SOCS7: variants seen among roughly 807,000 people sequenced by gnomAD.
SOCS7 encodes NAP-4.
SOCS7 carries 18 observed loss-of-function variants against 58.9 expected under a neutral mutation model. The observed-to-expected ratio is 0.31, with a 90% CI of 0.21 to 0.45. SOCS7 has a LOEUF of 0.45. SOCS7 is among the 20% of genes least tolerant of loss of function. SOCS7 has a pLI of 1.00. For missense variants in SOCS7, 667 were observed against 837.3 expected, an observed-to-expected ratio of 0.80 and a Z score of 2.51; for synonymous variants, 388 against 364.3, an observed-to-expected ratio of 1.06 and a Z score of -0.74.
In SOCS7 at chr17:38,353,044, C is replaced by A. The variant is rs367686638; in HGVS notation, c.980+12C>A. 3.6e-4 allele frequency: 558 copies of A among 1,554,914 alleles called. 1 individual carries two copies. The highest frequency in any genetic ancestry group is 2.7e-3 in the Admixed American group (131 of 49,036). The stretch of plus-strand genomic sequence containing the variant: ...CTGGACGCGGGGAGGTGAGACCGGC[C>A]GGGGGCTGGCCGACAAACTTCCTTT... On this transcript the variant is annotated intron_variant, in intron 1 of 9. Coordinates refer to ENST00000612932, the MANE Select transcript of SOCS7 (RefSeq NM_014598.4).
chr17:38,364,384 C>T (rs2037759335), intron 2 of SOCS7, among the ~76,000 whole-genome samples: 1 of 152,132 alleles, frequency 6.6e-6, no homozygotes, highest in African/African-American at 2.4e-5. Flanking sequence ...TGGCTTGCTT[C>T]CTAAGGCAGA....
chr17:38,367,829 C>CT, intron 5 of SOCS7, 53 bp from the exon 6 acceptor site: 1 of 1,546,336 alleles, frequency 6.5e-7, no homozygotes, highest in Non-Finnish European at 8.9e-7. Flanking sequence ...GCACTGAAAA[C>CT]TTTGACATTT....
intron 6 of SOCS7, among the ~76,000 whole-genome samples, chr17:38,370,596 C>T (rs1024098434): frequency 2.0e-5 from 3 of 151,778 alleles, no homozygotes; most frequent in Non-Finnish European, 4.4e-5. Flanking sequence ...CTGCCTTGGC[C>T]TCCCAAAGTG....
intron 7 of SOCS7, among the ~76,000 whole-genome samples, chr17:38,383,752 C>T (rs998443357): frequency 3.9e-5 from 6 of 152,090 alleles, no homozygotes; most frequent in African/African-American, 1.4e-4. Flanking sequence ...CCATATTGGT[C>T]AGGCTGGTCT....
At chr17:38,371,215 G>A (rs2037859492) in intron 6 of SOCS7, among the ~76,000 whole-genome samples, 1 of 152,084 alleles carries the variant, frequency 6.6e-6, no homozygotes, top group African/African-American at 2.4e-5. Context: ...CTGAGTTAAA[G>A]CGATTCTCCT....
intron 7 of SOCS7, among the ~76,000 whole-genome samples, chr17:38,391,697 G>C (rs1234104741): frequency 1.3e-5 from 2 of 152,102 alleles, no homozygotes; most frequent in Non-Finnish European, 2.9e-5. Flanking sequence ...CACCGCACTG[G>C]GCCTTCTTTT....
At chr17:38,372,465 G>T (rs1369164241) in intron 6 of SOCS7, among the ~76,000 whole-genome samples, 1 of 152,194 alleles carries the variant, frequency 6.6e-6, no homozygotes, top group East Asian at 1.9e-4. Context: ...CTAACTCCCT[G>T]TTACTATTGT....
rs897225908 is a variant in SOCS7 at position 38,401,783 on chromosome 17, T to A, written c.*2301T>A. 1 of 152,280 alleles carries A rather than the reference T, an allele frequency of 6.6e-6. No individual in the cohort carries two copies. Among genetic ancestry groups the A allele is most frequent in the African/African-American group, 2.4e-5 (1 of 41,466 alleles). 9.4% of individuals were successfully genotyped at this position (152,280 alleles called of 1,614,324 possible). The stretch of plus-strand genomic sequence containing the variant: ...AAGCAGAAATCTGCATGGCATGTAC[T>A]GAACAGTGCACAGCCCTGTTAGAGC... On this transcript the variant is annotated 3_prime_UTR_variant, in exon 10 of 10. Coordinates refer to ENST00000612932, the MANE Select transcript of SOCS7 (RefSeq NM_014598.4).
intron 7 of SOCS7, among the ~76,000 whole-genome samples, chr17:38,380,621 ACT>A (rs2037988725): frequency 6.7e-6 from 1 of 148,892 alleles, no homozygotes; most frequent in African/African-American, 2.5e-5. Context: ...CCCAAGCAAG[ACT>A]CTGTCTCAAA....
intron 9 of SOCS7, among the ~76,000 whole-genome samples, chr17:38,397,275 G>A (rs1037877437): frequency 2.6e-5 from 4 of 152,228 alleles, no homozygotes; most frequent in Admixed American, 2.0e-4. Flanking sequence ...CCAGTGGGGA[G>A]CAAGTTCAGC....
intron 6 of SOCS7, among the ~76,000 whole-genome samples, chr17:38,376,498 G>A (rs2037932358): frequency 6.6e-6 from 1 of 152,070 alleles, no homozygotes; most frequent in African/African-American, 2.4e-5. Context: ...TAGGGAGGCC[G>A]AGGCGAGTGG....
At chr17:38,365,167 C>T (rs1376481811) in intron 3 of SOCS7, 141 bp from the exon 4 acceptor site, 2 of 627,660 alleles carry the variant, frequency 3.2e-6, no homozygotes, top group Non-Finnish European at 2.8e-6. Context: ...GATTGTTGCC[C>T]TCTGTGCAAA....
intron 4 of SOCS7, chr17:38,365,671 GT>G: frequency 2.8e-6 from 1 of 361,324 alleles, no homozygotes. Context: ...TGCTGAGACT[GT>G]TTTGCAATCC....
rs4257248 is a variant in SOCS7 at position 38,356,386 on chromosome 17, T to G, written c.980+3354T>G. 4.3e-3 allele frequency among the ~76,000 whole-genome samples: 658 copies of G among 151,294 alleles called. 6 individuals are homozygous for G. Among genetic ancestry groups the G allele is most frequent in the African/African-American group, 0.015 (639 of 41,356 alleles). ...ACAGAGCCAGACTCCATCTTTTTTT[T>G]GGGGCCGGGGGGATGGAGTCTCACT... is the stretch of plus-strand genomic sequence containing the variant. On this transcript the variant is annotated intron_variant, in intron 1 of 9. Transcript: ENST00000612932.
chr17:38,368,762 A>G (rs1436658974), intron 6 of SOCS7, among the ~76,000 whole-genome samples: 5 of 152,200 alleles, frequency 3.3e-5, no homozygotes, highest in African/African-American at 1.2e-4. Flanking sequence ...TCGGCCTCCC[A>G]AAGGGCTTGG....
At chr17:38,398,847 G>C (rs761478247) in intron 9 of SOCS7, among the ~76,000 whole-genome samples, 6 of 152,078 alleles carry the variant, frequency 3.9e-5, no homozygotes, top group African/African-American at 7.2e-5. Context: ...AATCCCAGCA[G>C]TTTGGGAGGC....
rs957797830 is a variant in SOCS7 at position 38,404,229 on chromosome 17, G to A, written c.*4747G>A. On this transcript the variant is annotated 3_prime_UTR_variant, in exon 10 of 10. Coordinates refer to ENST00000612932, the MANE Select transcript of SOCS7 (RefSeq NM_014598.4). ...CGGGTACTGCAGTTAGGAAAGTAGC[G>A]TTATGAGTTGTACTGAAAATGTTGA... 2.6e-5 allele frequency: 4 copies of A among 152,212 alleles called. No homozygotes were observed. Among genetic ancestry groups the A allele is most frequent in the Non-Finnish European group, 2.9e-5 (2 of 68,054 alleles). 9.4% of individuals were successfully genotyped at this position (152,212 alleles called of 1,614,324 possible). A position where few individuals can be genotyped will look rare whatever the true frequency, so the allele number is the denominator to read the frequency against.
rs570171697 is a variant in SOCS7, at chr17:38,386,609, C to T, written c.1682-8700C>T. Among the ~76,000 whole-genome samples, 168 of 152,200 alleles carry T rather than the reference C, an allele frequency of 1.1e-3. 1 individual carries two copies. The highest frequency in any genetic ancestry group is 2.1e-3 in the Non-Finnish European group (146 of 68,022). Reference sequence around the variant, plus strand: ...CATTGGGAGTTGCAAAATGATGATACTCTAATTTTATCACTTTTTATTTAT... The same window carrying T: ...CATTGGGAGTTGCAAAATGATGATATTCTAATTTTATCACTTTTTATTTAT... On this transcript the variant is annotated intron_variant, in intron 7 of 9. Transcript: ENST00000612932.
rs1189774757 is a variant in SOCS7 at position 38,402,335 on chromosome 17, GA to G, written c.*2854del. On this transcript the variant is annotated 3_prime_UTR_variant, in exon 10 of 10. Coordinates refer to ENST00000612932, the MANE Select transcript of SOCS7 (RefSeq NM_014598.4). ...AGCTCTCTGGGATACAGCCTGGTCA[GA>G]GAGTAAATGGAGCAGAGGAGCAGGT... is the stretch of plus-strand genomic sequence containing the variant. The G allele has an allele frequency of 6.6e-6, 1 of 152,544 alleles. No individual in the cohort carries two copies. The highest frequency in any genetic ancestry group is 1.9e-4 in the East Asian group (1 of 5,208). The allele number at this position is 152,544 out of a possible 1,614,324, so 9.4% of individuals were successfully genotyped here. A position where few individuals can be genotyped will look rare whatever the true frequency, so the allele number is the denominator to read the frequency against.
Sources: allele counts gnomAD v4.1 joint callset (sites outside exome capture counted in the v4.1 genomes callset), GRCh38; gene constraint gnomAD v4.1.1; transcripts MANE v1.5; gene names NCBI Gene and HGNC (gene_info 2026-07-23, HGNC 2026-07-21).